The following SLC22A25 variants were observed in gnomAD, a reference collection of about 807,000 sequenced individuals.
SLC22A25 encodes the protein solute carrier family 22 member 25.
SLC22A25 carries 44 observed loss-of-function variants against 45.9 expected under a neutral mutation model. The observed-to-expected ratio is 0.96, with a 90% CI of 0.75 to 1.23. The LOEUF (loss-of-function observed/expected upper bound fraction) is 1.23, where lower values mean the gene tolerates loss of function less well. SLC22A25 is among the 50% of genes most tolerant of loss of function. SLC22A25 has a pLI of 0.00. For missense variants in SLC22A25, 800 were observed against 666.4 expected, an observed-to-expected ratio of 1.20 and a Z score of -2.21; for synonymous variants, 283 against 238.6, an observed-to-expected ratio of 1.19 and a Z score of -1.72.
At chr11:63,224,227 T>C (rs2089911241) in intron 5 of SLC22A25, among the ~76,000 whole-genome samples, 1 of 152,152 alleles carries the variant, frequency 6.6e-6, no homozygotes, top group African/African-American at 2.4e-5. Flanking sequence ...TCTTGTAATC[T>C]ATTTTGTCTC....
chr11:63,168,798 T>C (rs1433298079), intron 9 of SLC22A25, among the ~76,000 whole-genome samples: 1 of 151,872 alleles, frequency 6.6e-6, no homozygotes, highest in African/African-American at 2.4e-5. Flanking sequence ...CAACATACAA[T>C]TTCAGGATAT....
chr11:63,170,945 A>T (rs2087858129), intron 9 of SLC22A25, among the ~76,000 whole-genome samples: 1 of 152,172 alleles, frequency 6.6e-6, no homozygotes, highest in African/African-American at 2.4e-5. Context: ...ATCCAGCAGC[A>T]CATCAAAAGC....
Position 63,159,691 on chromosome 11 carries a change from A to G in SLC22A25, c.*4133T>C, listed in dbSNP as rs190042136. ...AAAGATACCCACAAATGTGGAAGCA[A>G]CTTTGGAACTGGGGCAATATTTGGA... is the stretch of plus-strand genomic sequence containing the variant. On this transcript the variant is annotated 3_prime_UTR_variant, in exon 12 of 12. Coordinates refer to ENST00000306494, the MANE Select transcript of SLC22A25 (RefSeq NM_199352.6). Among the ~76,000 whole-genome samples, 9 of 15,244 alleles carry G rather than the reference A, an allele frequency of 5.9e-4. No individual in the cohort carries two copies. The East Asian group carries it at 0.022, about 37-fold the overall frequency. 10.0% of individuals were successfully genotyped at this position (15,244 alleles called of 152,430 possible).
chr11:63,161,408 G>C lies in SLC22A25; in HGVS notation c.*2416C>G, dbSNP rs2087531794. ...AATGTGAGGACATGAGATTTGGGAG[G>C]GGCCAGGGGCAGAATGATATGGTTT... On this transcript the variant is annotated 3_prime_UTR_variant, in exon 12 of 12. Transcript: ENST00000306494. Among the ~76,000 whole-genome samples, 1 of 152,046 alleles carries C rather than the reference G, an allele frequency of 6.6e-6. No individual in the cohort carries two copies. The highest frequency in any genetic ancestry group is 6.6e-5 in the Admixed American group (1 of 15,262).
intron 5 of SLC22A25, among the ~76,000 whole-genome samples, chr11:63,218,956 T>C (rs2089787522): frequency 6.6e-6 from 1 of 152,222 alleles, no homozygotes; most frequent in African/African-American, 2.4e-5. Context: ...TGCACTCACA[T>C]GTTCTTGCAG....
At chr11:63,212,758 A>G (rs557878385) in intron 7 of SLC22A25, among the ~76,000 whole-genome samples, 155 of 152,108 alleles carry the variant, frequency 1.0e-3, no homozygotes, top group Non-Finnish European at 1.9e-3. Flanking sequence ...CATATGTAAC[A>G]AACCTTCACG....
Position 63,180,713 on chromosome 11 carries a change from T to A in SLC22A25, c.1017A>T (p.Glu339Asp), listed in dbSNP as rs147816999. Reference protein sequence around the residue: ...EAAQKKHSLCELLRIPNICKR... With the variant: ...EAAQKKHSLCDLLRIPNICKR... ...TACATATGTTGGGTATGCGGAGCAA[T>A]TCACAAAGAGAATGCTTTTTCTGTG... is the stretch of plus-strand genomic sequence containing the variant. Residue 339 changes from glutamate (E) to aspartate (D), a missense_variant, in exon 9 of 12, where the codon GAA (glutamate) becomes GAT (aspartate). By Grantham distance (45) the Glu-to-Asp change is conservative. Transcript: ENST00000306494. 1 of 1,613,230 alleles carries A rather than the reference T, an allele frequency of 6.2e-7. No individual in the cohort carries two copies. The highest frequency in any genetic ancestry group is 8.5e-7 in the Non-Finnish European group (1 of 1,179,530).
At chr11:63,226,441 T>G (rs2089963202) in intron 5 of SLC22A25, among the ~76,000 whole-genome samples, 1 of 152,212 alleles carries the variant, frequency 6.6e-6, no homozygotes, top group Non-Finnish European at 1.5e-5. Context: ...GAAAAATTAT[T>G]TGGACCAGCA....
intron 5 of SLC22A25, among the ~76,000 whole-genome samples, chr11:63,227,746 T>C (rs1224270042): frequency 3.3e-5 from 5 of 152,244 alleles, no homozygotes; most frequent in African/African-American, 1.2e-4. Flanking sequence ...CCTTGTGGCC[T>C]ACACAGTCTT....
intron 1 of SLC22A25, among the ~76,000 whole-genome samples, chr11:63,241,654 C>T (rs957620468): frequency 1.3e-5 from 2 of 152,174 alleles, no homozygotes; most frequent in Non-Finnish European, 2.9e-5. Context: ...TCATCAGTGA[C>T]TATCAAGGCC....
At chr11:63,182,980 CCATT>C (rs1268521001) in intron 8 of SLC22A25, among the ~76,000 whole-genome samples, 2 of 152,090 alleles carry the variant, frequency 1.3e-5, no homozygotes, top group African/African-American at 4.8e-5. Context: ...AGTAAAAGCT[CCATT>C]CAGGCTGTGA....
chr11:63,160,096 GA>G lies in SLC22A25; in HGVS notation c.*3727del, dbSNP rs2087521328. On this transcript the variant is annotated 3_prime_UTR_variant, in exon 12 of 12. Coordinates refer to ENST00000306494, the MANE Select transcript of SLC22A25 (RefSeq NM_199352.6). Reference sequence around the variant, plus strand: ...AAATTTGCAGCCTGGTGATGTGATAGAAAATAAAAACCCATTTTCTGAGGAG... The same window carrying G: ...AAATTTGCAGCCTGGTGATGTGATAGAAATAAAAACCCATTTTCTGAGGAG... 6.6e-6 allele frequency among the ~76,000 whole-genome samples: 1 copy of G among 152,300 alleles called. No individual in the cohort carries two copies. The highest frequency in any genetic ancestry group is 2.4e-5 in the African/African-American group (1 of 41,562).
Position 63,163,905 on chromosome 11 carries a change from C to A in SLC22A25, c.1563G>T (p.Gln521His). Residue 521 changes from glutamine (Q) to histidine (H), a missense_variant, in exon 12 of 12, where the codon CAG (glutamine) becomes CAT (histidine). By Grantham distance (24) the Gln-to-His change is conservative. Transcript: ENST00000306494. ...CATCCTGGATGCTGTCAAGAAGAGG[C>A]TGGTTCCTGGTTTCAGGAAGGAGGA... ...VVLLLPETRN[Q>H]PLLDSIQDVE... is the part of the protein sequence containing the mutation. The A allele has an allele frequency of 6.2e-7, 1 of 1,613,910 alleles. No homozygotes were observed. Among genetic ancestry groups the A allele is most frequent in the Non-Finnish European group, 8.5e-7 (1 of 1,179,908 alleles).
chr11:63,158,662 C>A lies in SLC22A25; in HGVS notation c.*5162G>T, dbSNP rs748300303. On this transcript the variant is annotated 3_prime_UTR_variant, in exon 12 of 12. Transcript: ENST00000306494. ...AATTAAATTATTTTGACTACAGCACCCTGTTGTGTTATCAAATACTGGATA... is the reference window on the plus strand; with the variant it reads ...AATTAAATTATTTTGACTACAGCACACTGTTGTGTTATCAAATACTGGATA... Among the ~76,000 whole-genome samples the A allele has an allele frequency of 5.9e-5, 9 of 152,128 alleles. No individual in the cohort carries two copies. Among genetic ancestry groups the A allele is most frequent in the Admixed American group, 3.9e-4 (6 of 15,274 alleles).
At chr11:63,236,545 C>T (rs1359657843) in intron 3 of SLC22A25, among the ~76,000 whole-genome samples, 1 of 152,174 alleles carries the variant, frequency 6.6e-6, no homozygotes, top group African/African-American at 2.4e-5. Context: ...GTCTGTCACC[C>T]CTTTCTTTGA....
At chr11:63,198,296 T>A (rs1590847719) in intron 7 of SLC22A25, among the ~76,000 whole-genome samples, 1 of 152,248 alleles carries the variant, frequency 6.6e-6, no homozygotes, top group African/African-American at 2.4e-5. Context: ...GTGGCACTAT[T>A]CACAATAGCA....
chr11:63,229,302 C>T lies in SLC22A25; in HGVS notation c.351G>A (p.Val117=). ...AGCTTTGGTCATATACCCAGCCATC[C>T]ACACAGGGCTCTGTATCTGGCTCAC... ...NTSEPDTEPC[V]DGWVYDQSSF... Residue 117 remains valine, a synonymous_variant, in exon 4 of 12, where the codon GTG becomes GTA. Coordinates refer to ENST00000306494, the MANE Select transcript of SLC22A25 (RefSeq NM_199352.6). The T allele has an allele frequency of 2.5e-6, 4 of 1,593,846 alleles. No homozygotes were observed. The highest frequency in any genetic ancestry group is 4.5e-5 in the East Asian group (2 of 44,690).
At chr11:63,219,598 C>T (rs2089802857) in intron 5 of SLC22A25, among the ~76,000 whole-genome samples, 1 of 152,082 alleles carries the variant, frequency 6.6e-6, no homozygotes. Context: ...ATATCATGAA[C>T]AGTTGAGTGT....
chr11:63,212,347 GC>G (rs1270222905), intron 7 of SLC22A25, among the ~76,000 whole-genome samples: 1 of 152,074 alleles, frequency 6.6e-6, no homozygotes, highest in Non-Finnish European at 1.5e-5. Flanking sequence ...AAAACATGCT[GC>G]TATAAAGACA....
Sources: allele counts gnomAD v4.1 joint callset (sites outside exome capture counted in the v4.1 genomes callset), GRCh38; gene constraint gnomAD v4.1.1; transcripts MANE v1.5; gene names NCBI Gene and HGNC (gene_info 2026-07-23, HGNC 2026-07-21).